XRN1: variants seen among roughly 807,000 people sequenced by gnomAD.
XRN1 encodes the protein 5'-3' exoribonuclease 1.
In XRN1, 67 loss-of-function variants were observed where a neutral mutation model predicts 222.3. The ratio of observed to expected loss-of-function variants is 0.30; its 90% confidence interval spans 0.25 to 0.37. XRN1 has a LOEUF of 0.37. Ranked by LOEUF, XRN1 falls within the 10% of genes least tolerant of loss-of-function variation. XRN1 has a pLI of 1.00. For missense variants in XRN1, 1,707 were observed against 2,000.2 expected (o/e 0.85, Z 2.80); for synonymous variants, 643 against 652.4 (o/e 0.99, Z 0.22).
chr3:142,318,935 TTC>T (rs1256126998), intron 37 of XRN1, 32 bp from the exon 38 acceptor site: 3 of 1,578,338 alleles, frequency 1.9e-6, no homozygotes, highest in Non-Finnish European at 2.6e-6. Flanking sequence ...GTCTATGAAA[TTC>T]TCTGTCTAGG....
intron 33 of XRN1, among the ~76,000 whole-genome samples, chr3:142,341,218 T>C (rs796410406): frequency 7.2e-5 from 11 of 152,288 alleles, no homozygotes; most frequent in African/African-American, 2.2e-4. Context: ...TGTTGTTAAG[T>C]GTTAAGTTGC....
intron 15 of XRN1, 141 bp from the exon 16 acceptor site, chr3:142,405,217 A>G (rs904845445): frequency 4.2e-6 from 3 of 712,676 alleles, no homozygotes; most frequent in African/African-American, 3.6e-5. Flanking sequence ...AACTAATGAA[A>G]CTCTTCCATT....
At position 142,372,203 on chromosome 3, in the gene XRN1, T is replaced by C. The variant is rs548081701; in HGVS notation, c.2979-875A>G. Among the ~76,000 whole-genome samples the C allele has an allele frequency of 8.5e-5, 13 of 152,284 alleles. No homozygotes were observed. In the East Asian group the frequency reaches 2.5e-3, roughly 29 times the overall value. ...AGGTCAAATAGATACTCTAGCCTTGTGTATACCAGTCACGGACTTAGGGGT... is the reference window on the plus strand; with the variant it reads ...AGGTCAAATAGATACTCTAGCCTTGCGTATACCAGTCACGGACTTAGGGGT... On this transcript the variant is annotated intron_variant, in intron 25 of 40. Coordinates refer to ENST00000392981, the MANE Select transcript of XRN1 (RefSeq NM_001282857.2).
At chr3:142,436,708 G>T (rs866570904) in intron 1 of XRN1, among the ~76,000 whole-genome samples, 2 of 152,106 alleles carry the variant, frequency 1.3e-5, no homozygotes, top group Non-Finnish European at 2.9e-5. Flanking sequence ...TTATGAAATA[G>T]ATTCATATTT....
chr3:142,315,847 T>C (rs942979016), intron 39 of XRN1, among the ~76,000 whole-genome samples: 2 of 152,162 alleles, frequency 1.3e-5, no homozygotes, highest in Non-Finnish European at 1.5e-5. Flanking sequence ...ACAGCAGACA[T>C]CTGTTCTACT....
intron 37 of XRN1, among the ~76,000 whole-genome samples, chr3:142,322,832 G>A (rs966543538): frequency 2.0e-5 from 3 of 151,842 alleles, no homozygotes; most frequent in Non-Finnish European, 2.9e-5. Context: ...GTGAAACCCC[G>A]TCTCTATTAA....
intron 1 of XRN1, among the ~76,000 whole-genome samples, chr3:142,445,874 G>A (rs747507621): frequency 4.7e-4 from 71 of 152,152 alleles, no homozygotes; most frequent in Non-Finnish European, 9.0e-4. Flanking sequence ...TTCAGCTACC[G>A]CTATCTAATT....
At chr3:142,414,335 ATTAGG>A in intron 13 of XRN1, 44 bp from the exon 14 acceptor site, 1 of 1,432,456 alleles carries the variant, frequency 7.0e-7, no homozygotes, top group South Asian at 1.5e-5. Flanking sequence ...ATCTTTATGA[ATTAGG>A]TTAATAATAA....
intron 13 of XRN1, among the ~76,000 whole-genome samples, chr3:142,416,806 C>T (rs1014658745): frequency 2.2e-4 from 33 of 151,750 alleles, no homozygotes; most frequent in Middle Eastern, 3.4e-3. Flanking sequence ...TCAAGGTGGG[C>T]GGATCACCTG....
In XRN1 at chr3:142,329,513, G is replaced by A; in HGVS notation, c.4325C>T (p.Thr1442Ile). 6.3e-7 allele frequency: 1 copy of A among 1,597,664 alleles called. No homozygotes were observed. The highest frequency in any genetic ancestry group is 8.5e-7 in the Non-Finnish European group (1 of 1,174,480). ...PAPSQIPPVS[T>I]PVTELSRICS... ...AATTCGAGAAAGTTCAGTTACTGGT[G>A]TGGATACAGGAGGGATCTGGCTGGG... The change falls in exon 37 of 41, where the codon ACA becomes ATA. Residue 1442 changes from threonine (T) to isoleucine (I), a missense_variant. Coordinates refer to ENST00000392981, the MANE Select transcript of XRN1 (RefSeq NM_001282857.2).
intron 20 of XRN1, among the ~76,000 whole-genome samples, chr3:142,385,060 C>T (rs767915736): frequency 2.6e-5 from 4 of 152,112 alleles, no homozygotes; most frequent in African/African-American, 4.8e-5. Context: ...TTGTGGAAAA[C>T]GGTTTGGCAG....
intron 35 of XRN1, 191 bp downstream of exon 35, chr3:142,332,776 G>C (rs1488551686): frequency 1.2e-6 from 1 of 846,436 alleles, no homozygotes; most frequent in Non-Finnish European, 1.7e-6. Context: ...TGAAAAGCAG[G>C]GGAACTGTGG....
At chr3:142,408,622 G>C (rs983852214) in intron 15 of XRN1, among the ~76,000 whole-genome samples, 13 of 152,154 alleles carry the variant, frequency 8.5e-5, no homozygotes, top group African/African-American at 3.1e-4. Flanking sequence ...CTGCTGACTG[G>C]TATTGGGCGG....
chr3:142,357,070 G>C lies in XRN1; in HGVS notation c.3514C>G (p.Leu1172Val). 1 of 1,613,724 alleles carries C rather than the reference G, an allele frequency of 6.2e-7. No individual in the cohort carries two copies. The highest frequency in any genetic ancestry group is 8.5e-7 in the Non-Finnish European group (1 of 1,179,898). ...YRLPTSALVN[L>V]SHGSRSETGN... ...GTTTCAGAGCGACTCCCATGAGAAAGGTTCACCAAGGCACTTGTTGGCAGT... is the reference window on the plus strand; with the variant it reads ...GTTTCAGAGCGACTCCCATGAGAAACGTTCACCAAGGCACTTGTTGGCAGT... Residue 1172 changes from leucine to valine, a missense_variant, in exon 31 of 41, where the codon CTT becomes GTT. This residue lies in a region of XRN1 where 1,234 missense variants were observed against 1,518.2 expected (regional missense o/e 0.81). Coordinates refer to ENST00000392981, the MANE Select transcript of XRN1 (RefSeq NM_001282857.2).
At chr3:142,385,197 T>C (rs1009595662) in intron 20 of XRN1, among the ~76,000 whole-genome samples, 1 of 152,014 alleles carries the variant, frequency 6.6e-6, no homozygotes, top group Non-Finnish European at 1.5e-5. Flanking sequence ...ACTATTCAAA[T>C]AGCCAAAAGG....
In XRN1 at chr3:142,357,114, G is replaced by A; in HGVS notation, c.3470C>T (p.Ser1157Leu). 1 of 1,607,574 alleles carries A rather than the reference G, an allele frequency of 6.2e-7. No individual in the cohort carries two copies. Among genetic ancestry groups the A allele is most frequent in the Non-Finnish European group, 8.5e-7 (1 of 1,176,672 alleles). ...EFPGGLTIRC[S>L]PGRGYRLPTS... ...TGGCAGTCGATAACCTCTACCAGGT[G>A]AGCATCTAAAAGTAAAAGTTATATC... The change falls in exon 31 of 41, where the codon TCA becomes TTA. Residue 1157 changes from serine to leucine, a missense_variant. Coordinates refer to ENST00000392981, the MANE Select transcript of XRN1 (RefSeq NM_001282857.2).
chr3:142,447,997 G>T lies in XRN1; in HGVS notation c.-53C>A. 1 of 1,585,794 alleles carries T rather than the reference G, an allele frequency of 6.3e-7. No homozygotes were observed. The highest frequency in any genetic ancestry group is 1.1e-5 in the South Asian group (1 of 90,074). On this transcript the variant is annotated 5_prime_UTR_variant, in exon 1 of 41. Coordinates refer to ENST00000392981, the MANE Select transcript of XRN1 (RefSeq NM_001282857.2). This position sits in a 1 kb window ranked among gnomAD's most constrained non-coding sequence, Gnocchi z 4.2. ...GGGCCAAACCGAAACCAAACGCCCCGCCGGGGCTCCGCCGCAGCCTCCGGT... is the reference window on the plus strand; with the variant it reads ...GGGCCAAACCGAAACCAAACGCCCCTCCGGGGCTCCGCCGCAGCCTCCGGT...
intron 29 of XRN1, 72 bp from the exon 30 acceptor site, chr3:142,360,003 A>G (rs2066572749): frequency 3.2e-6 from 3 of 942,896 alleles, no homozygotes; most frequent in Non-Finnish European, 3.1e-6. Flanking sequence ...AAGTTTTTGG[A>G]GTGTTTGGAA....
At chr3:142,401,377 A>G (rs1472800833) in intron 18 of XRN1, among the ~76,000 whole-genome samples, 2 of 152,180 alleles carry the variant, frequency 1.3e-5, no homozygotes, top group East Asian at 3.9e-4. Flanking sequence ...ATGCTCTACA[A>G]ATATTCTGTA....
Sources: allele counts gnomAD v4.1 joint callset (sites outside exome capture counted in the v4.1 genomes callset), GRCh38; gene constraint gnomAD v4.1.1; regional missense constraint gnomAD v4.1.1; non-coding constraint Gnocchi (gnomAD v3.1); transcripts MANE v1.5; gene names NCBI Gene and HGNC (gene_info 2026-07-23, HGNC 2026-07-21).